Variants in NISCH observed in about 807,000 individuals in gnomAD.
The protein encoded by NISCH is I-1 receptor candidate protein.
Under a neutral mutation model 138.4 loss-of-function variants are expected in NISCH, and 55 were observed. That is an observed-to-expected ratio of 0.40 (90% CI 0.32 to 0.50). NISCH has a LOEUF of 0.50. Among genes scored for constraint, NISCH ranks in the 20% least tolerant of loss-of-function variants. The pLI is 0.71. For missense variants in NISCH, 1,643 were observed against 2,005.5 expected (o/e 0.82, Z 3.45); for synonymous variants, 860 against 861.5 (o/e 1.00, Z 0.03).
intron 6 of NISCH, among the ~76,000 whole-genome samples, chr3:52,473,004 A>G (rs988004828): frequency 2.6e-5 from 4 of 152,218 alleles, no homozygotes; most frequent in Non-Finnish European, 4.4e-5. Flanking sequence ...CCCCGTGAAG[A>G]GGGCACTTTT....
At chr3:52,482,650 G>A (rs1301637375) in intron 13 of NISCH, among the ~76,000 whole-genome samples, 1 of 152,188 alleles carries the variant, frequency 6.6e-6, no homozygotes, top group Non-Finnish European at 1.5e-5. Flanking sequence ...AGTCAGTGGC[G>A]TCTCATAGTC....
intron 13 of NISCH, chr3:52,481,198 C>T: frequency 8.5e-7 from 1 of 1,174,588 alleles, no homozygotes; most frequent in Non-Finnish European, 1.1e-6. Context: ...ACACGGGCTG[C>T]AACTGCAACA....
At position 52,471,919 on chromosome 3, in the gene NISCH, A is replaced by T; in HGVS notation, c.515A>T (p.Asp172Val). 6.2e-7 allele frequency: 1 copy of T among 1,612,102 alleles called. No individual in the cohort carries two copies. The highest frequency in any genetic ancestry group is 8.5e-7 in the Non-Finnish European group (1 of 1,178,716). ...QQGKPTCASG[D>V]AKTDLGHILD... ...GGAAAGCCCACGTGCGCCAGTGGGG[A>T]TGCCAAGACCGACCTCGGGCACATC... The change falls in exon 5 of 21, where the codon GAT (aspartate) becomes GTT (valine). Residue 172 changes from aspartate to valine, a missense_variant. Physicochemically the swap from Asp to Val is radical, Grantham distance 152. Transcript: ENST00000345716.
rs61737697 is a variant in NISCH at position 52,492,263 on chromosome 3, C to T, written c.4296C>T (p.Leu1432=). 3,952 of 1,613,300 alleles carry T rather than the reference C, an allele frequency of 2.4e-3. 6 individuals are homozygous for T. Among genetic ancestry groups the T allele is most frequent in the Non-Finnish European group, 3.2e-3 (3,748 of 1,180,026 alleles). The change falls in exon 21 of 21, where the codon CTC becomes CTT. Residue 1432 remains leucine, a synonymous_variant. Coordinates refer to ENST00000345716, the MANE Select transcript of NISCH (RefSeq NM_007184.4). ...GYQTYPQALT[L]VFDDVQGHDL... The stretch of plus-strand genomic sequence containing the variant: ...AGACCTACCCGCAGGCCCTCACCCT[C>T]GTCTTCGATGACGTGCAAGGTCATG...
At chr3:52,470,602 C>T in intron 3 of NISCH, 1 of 560,130 alleles carries the variant, frequency 1.8e-6, no homozygotes, top group East Asian at 3.0e-5. Flanking sequence ...TGCCCTTGGC[C>T]CTATGGACTG....
At chr3:52,461,265 TC>T (rs1211677522) in intron 3 of NISCH, among the ~76,000 whole-genome samples, 1 of 152,020 alleles carries the variant, frequency 6.6e-6, no homozygotes. Context: ...AGAAACAACT[TC>T]CTTAAACTCT....
intron 1 of NISCH, among the ~76,000 whole-genome samples, chr3:52,456,848 G>A (rs909080530): frequency 6.6e-6 from 1 of 152,194 alleles, no homozygotes; most frequent in Non-Finnish European, 1.5e-5. Context: ...TGCAGGAGGC[G>A]GGTGAGGTCT....
Position 52,487,762 on chromosome 3 carries a change from T to C in NISCH, c.2270T>C (p.Leu757Pro). 1 of 1,613,720 alleles carries C rather than the reference T, an allele frequency of 6.2e-7. No individual in the cohort carries two copies. The highest frequency in any genetic ancestry group is 8.5e-7 in the Non-Finnish European group (1 of 1,180,014). Residue 757 changes from leucine (L) to proline (P), a missense_variant, in exon 16 of 21, where the codon CTG becomes CCG. Transcript: ENST00000345716. The surrounding 1 kb of genome is among the most constrained non-coding windows in gnomAD (Gnocchi z 9.1). Reference protein sequence around the residue: ...RGSSQHILSSLRFVFCFPHGD... With the variant: ...RGSSQHILSSPRFVFCFPHGD... Reference sequence around the variant, plus strand: ...AGCAGCCAGCACATCCTCTCCTCCCTGCGCTTTGTCTTTTGCTTCCCGCAT... The same window carrying C: ...AGCAGCCAGCACATCCTCTCCTCCCCGCGCTTTGTCTTTTGCTTCCCGCAT...
Position 52,484,543 on chromosome 3 carries a change from C to T in NISCH, c.1559C>T (p.Ala520Val). The change falls in exon 14 of 21, where the codon GCC becomes GTC. Residue 520 changes from alanine to valine, a missense_variant. Physicochemically the swap from Ala to Val is moderately conservative, Grantham distance 64. Transcript: ENST00000345716. ...ATGTTCGTTCAGGAGGAGGCCCTGG[C>T]CAGCAGCCTCTCGTCCACTGACAGT... ...GIMFVQEEAL[A>V]SSLSSTDSLT... 1 of 1,594,816 alleles carries T rather than the reference C, an allele frequency of 6.3e-7. No individual in the cohort carries two copies. Among genetic ancestry groups the T allele is most frequent in the Non-Finnish European group, 8.6e-7 (1 of 1,169,372 alleles).
intron 1 of NISCH, 94 bp from the exon 2 acceptor site, chr3:52,457,749 A>T (rs1470252325): frequency 2.1e-6 from 2 of 945,040 alleles, no homozygotes; most frequent in Non-Finnish European, 3.5e-6. Context: ...ATAAAAGATA[A>T]TTGGGAAAGA....
intron 10 of NISCH, 21 bp from the exon 11 acceptor site, chr3:52,478,428 G>T: frequency 6.2e-7 from 1 of 1,614,222 alleles, no homozygotes; most frequent in Non-Finnish European, 8.5e-7. Context: ...GACCAAAGGG[G>T]ATGGAACTCA....
At chr3:52,466,852 A>T (rs935840543) in intron 3 of NISCH, among the ~76,000 whole-genome samples, 4 of 152,138 alleles carry the variant, frequency 2.6e-5, no homozygotes, top group African/African-American at 9.7e-5. Flanking sequence ...TGTTTACATG[A>T]AGCTCAAACC....
chr3:52,479,935 G>A (rs1707219891), intron 12 of NISCH, 73 bp downstream of exon 12: 2 of 1,263,110 alleles, frequency 1.6e-6, no homozygotes, highest in Non-Finnish European at 2.3e-6. Flanking sequence ...GGGGGGCTTG[G>A]GCCATGGGAC....
At position 52,476,657 on chromosome 3, in the gene NISCH, G is replaced by C. The variant is rs189961274; in HGVS notation, c.918+58G>C. ...TCTGGCCCCACCAAACCCTGAGTTT[G>C]AGTATTTAACTCAGCTTTTTTAGGA... On this transcript the variant is annotated intron_variant, in intron 8 of 20. Coordinates refer to ENST00000345716, the MANE Select transcript of NISCH (RefSeq NM_007184.4). 1.1e-3 allele frequency: 1,644 copies of C among 1,565,306 alleles called. 20 individuals carry two copies. The African/African-American group carries it at 0.02, about 19-fold the overall frequency.
At chr3:52,465,417 A>G (rs978167575) in intron 3 of NISCH, among the ~76,000 whole-genome samples, 1 of 152,348 alleles carries the variant, frequency 6.6e-6, no homozygotes, top group South Asian at 2.1e-4. Flanking sequence ...GGCGTGAGCC[A>G]CCACACCCAG....
Position 52,492,195 on chromosome 3 carries a change from G to T in NISCH, c.4228G>T (p.Gly1410Cys). 1 of 1,613,106 alleles carries T rather than the reference G, an allele frequency of 6.2e-7. No individual in the cohort carries two copies. Among genetic ancestry groups the T allele is most frequent in the South Asian group, 1.1e-5 (1 of 91,086 alleles). The change falls in exon 21 of 21, where the codon GGC becomes TGC. Residue 1410 changes from glycine to cysteine, a missense_variant. Transcript: ENST00000345716. ...GAGAGACAGGTACCGGCTGGACGAT[G>T]GCCGCCGCGTCCGGGACCTGGACCG... ...PQRDRYRLDDGRRVRDLDRVL... is the reference protein window; with the variant it reads ...PQRDRYRLDDCRRVRDLDRVL...
intron 13 of NISCH, among the ~76,000 whole-genome samples, chr3:52,482,389 A>G (rs545857468): frequency 1.3e-5 from 2 of 152,274 alleles, no homozygotes; most frequent in South Asian, 2.1e-4. Flanking sequence ...TGTGACCAAT[A>G]GGGGTGGTCG....
At position 52,478,560 on chromosome 3, in the gene NISCH, G is replaced by A. The variant is rs775871365; in HGVS notation, c.1285G>A (p.Gly429Arg). The A allele has an allele frequency of 1.8e-5, 29 of 1,614,010 alleles. No homozygotes were observed. In the African/African-American group the frequency reaches 2.8e-4, roughly 16 times the overall value. ...DYRTKVLAQFGERASEVCLDD... is the reference protein window; with the variant it reads ...DYRTKVLAQFRERASEVCLDD... ...CCGGACCAAGGTGCTGGCTCAGTTC[G>A]GAGAGAGGGCCTCAGAGGTGAGCCC... The change falls in exon 11 of 21, where the codon GGA becomes AGA. Residue 429 changes from glycine (G) to arginine (R), a missense_variant. By Grantham distance (125) the Gly-to-Arg change is moderately radical. Coordinates refer to ENST00000345716, the MANE Select transcript of NISCH (RefSeq NM_007184.4).
In NISCH at chr3:52,488,305, G is replaced by A. The variant is rs745490517; in HGVS notation, c.2813G>A (p.Arg938His). 1.7e-5 allele frequency: 27 copies of A among 1,611,200 alleles called. No individual in the cohort carries two copies. Among genetic ancestry groups the A allele is most frequent in the South Asian group, 4.4e-5 (4 of 91,088 alleles). ...CGTGGCACCCACAACTGTCGCAACC[G>A]CAACAGCTTCAAGCTCAGCCGTGTG... ...PNRGTHNCRN[R>H]NSFKLSRVPL... Residue 938 changes from arginine to histidine, a missense_variant, in exon 16 of 21, where the codon CGC (arginine) becomes CAC (histidine). Physicochemically the swap from Arg to His is conservative, Grantham distance 29. Transcript: ENST00000345716.
Sources: gnomAD v4.1 joint callset for allele counts (sites outside exome capture counted in the v4.1 genomes callset) on GRCh38, gnomAD v4.1.1 for gene constraint, Gnocchi (gnomAD v3.1) non-coding constraint, MANE v1.5 for transcripts, NCBI Gene and HGNC (gene_info 2026-07-23, HGNC 2026-07-21) for gene names.